The following MRE11 variants were observed in gnomAD, a reference collection of about 807,000 sequenced individuals.
MRE11 encodes the protein MRE11 double strand break repair nuclease, also known as double-strand break repair protein MRE11.
MRE11 carries 62 observed loss-of-function variants against 91.7 expected under a neutral mutation model. That is an observed-to-expected ratio of 0.68 (90% CI 0.55 to 0.84). The LOEUF (loss-of-function observed/expected upper bound fraction) is 0.84. Ranked by LOEUF, MRE11 falls within the 40% of genes least tolerant of loss-of-function variation. The pLI is 0.00. For synonymous variants in MRE11, 273 were observed against 271.4 expected (o/e 1.01, Z -0.06); for missense variants, 796 against 852.9 (o/e 0.93, Z 0.83).
Position 94,464,251 on chromosome 11 carries a change from G to A in MRE11, c.1099-12C>T, listed in dbSNP as rs1339454993. On this transcript the variant is annotated splice_polypyrimidine_tract_variant and intron_variant, in intron 10 of 19. Coordinates refer to ENST00000323929, the MANE Select transcript of MRE11 (RefSeq NM_005591.4). The stretch of plus-strand genomic sequence containing the variant: ...CCACTATAGTCCACCTGAAAACACA[G>A]AATAATCTATGAACGCTAGGAAACA... 1.4e-5 allele frequency: 23 copies of A among 1,613,546 alleles called. No individual in the cohort carries two copies. The highest frequency in any genetic ancestry group is 1.9e-5 in the Non-Finnish European group (23 of 1,179,784).
In MRE11 at chr11:94,419,992, T is replaced by G. The variant is rs1354556161; in HGVS notation, c.*133A>C. The G allele has an allele frequency of 1.0e-5, 7 of 680,056 alleles. No homozygotes were observed. Among genetic ancestry groups the G allele is most frequent in the Non-Finnish European group, 1.7e-5 (7 of 408,106 alleles). 42.1% of individuals were successfully genotyped at this position (680,056 alleles called of 1,614,324 possible). ...AGGTGAATCAATGCTATTGTATGTC[T>G]GTGAACTAGAAATTTCTTACTTATG... is the stretch of plus-strand genomic sequence containing the variant. On this transcript the variant is annotated 3_prime_UTR_variant, in exon 20 of 20. Coordinates refer to ENST00000323929, the MANE Select transcript of MRE11 (RefSeq NM_005591.4).
chr11:94,505,706 G>A, the MRE11 span, among the ~76,000 whole-genome samples: 24 of 147,420 alleles, frequency 1.6e-4, no homozygotes, highest in East Asian at 6.0e-4. Context: ...CTATAGTAGC[G>A]TTTGGTAATG....
intron 18 of MRE11, among the ~76,000 whole-genome samples, chr11:94,430,980 C>T (rs565049883): frequency 1.3e-5 from 2 of 152,216 alleles, no homozygotes; most frequent in South Asian, 2.1e-4. Context: ...ATAATATCCC[C>T]GGTTTTGCCT....
At position 94,417,328 on chromosome 11, in the gene MRE11, T is replaced by C. The variant is rs1945053709; in HGVS notation, c.*2797A>G. The C allele has an allele frequency of 9.1e-6, 2 of 220,170 alleles. No homozygotes were observed. The highest frequency in any genetic ancestry group is 3.7e-4 in the South Asian group (2 of 5,436). The allele number at this position is 220,170 out of a possible 1,614,324, so 13.6% of individuals were successfully genotyped here. A position where few individuals can be genotyped will look rare whatever the true frequency, so the allele number is the denominator to read the frequency against. On this transcript the variant is annotated 3_prime_UTR_variant, in exon 20 of 20. Transcript: ENST00000323929. Reference sequence around the variant, plus strand: ...TTTTCTAAGAATGGATTTTCCTCTTTATGAAAACAAAATATTCCTTTTCTT... The same window carrying C: ...TTTTCTAAGAATGGATTTTCCTCTTCATGAAAACAAAATATTCCTTTTCTT...
chr11:94,464,281 T>C (rs1359205440), intron 10 of MRE11, 42 bp from the exon 11 acceptor site: 1 of 1,612,792 alleles, frequency 6.2e-7, no homozygotes, highest in Non-Finnish European at 8.5e-7. Flanking sequence ...GAAACAACAA[T>C]TTGCCAATTT....
chr11:94,478,987 G>T, intron 5 of MRE11, 111 bp from the exon 6 acceptor site: 1 of 1,218,372 alleles, frequency 8.2e-7, no homozygotes, highest in Non-Finnish European at 1.2e-6. Flanking sequence ...CAAAAACATA[G>T]ATGAGGATAG....
At chr11:94,424,355 T>C (rs1945252968) in intron 19 of MRE11, among the ~76,000 whole-genome samples, 1 of 152,182 alleles carries the variant, frequency 6.6e-6, no homozygotes, top group Admixed American at 6.5e-5. Context: ...ACAAGGCCAG[T>C]TGACTATACT....
Position 94,427,698 on chromosome 11 carries a change from T to TA in MRE11, c.2070+2212dup, listed in dbSNP as rs144875210. Among the ~76,000 whole-genome samples, 909 of 144,996 alleles carry TA rather than the reference T, an allele frequency of 6.3e-3. 14 individuals carry two copies. Among genetic ancestry groups the TA allele is most frequent in the African/African-American group, 0.021 (820 of 39,230 alleles). ...AAACGACTTCAGCAAAGTTTCAGAATAAAAAAAAAAAGTGTACAAAAGTCA... is the reference window on the plus strand; with the variant it reads ...AAACGACTTCAGCAAAGTTTCAGAATAAAAAAAAAAAAGTGTACAAAAGTCA... On this transcript the variant is annotated intron_variant, in intron 19 of 19. Transcript: ENST00000323929.
chr11:94,486,539 C>A (rs1399499959), intron 3 of MRE11, among the ~76,000 whole-genome samples: 4 of 152,168 alleles, frequency 2.6e-5, no homozygotes, highest in Non-Finnish European at 5.9e-5. Flanking sequence ...TGACTCTATG[C>A]AAGACCCTCT....
intron 16 of MRE11, among the ~76,000 whole-genome samples, chr11:94,441,505 C>T (rs1473049354): frequency 6.6e-6 from 1 of 152,006 alleles, no homozygotes; most frequent in African/African-American, 2.4e-5. Context: ...AATAAGTCAC[C>T]ATAAATAAGA....
intron 19 of MRE11, among the ~76,000 whole-genome samples, chr11:94,425,016 T>C (rs1945273699): frequency 6.6e-6 from 1 of 152,056 alleles, no homozygotes; most frequent in African/African-American, 2.4e-5. Context: ...TCAGACATTA[T>C]ATAAGATGAC....
intron 19 of MRE11, among the ~76,000 whole-genome samples, chr11:94,422,619 C>T (rs556875199): frequency 6.6e-6 from 1 of 152,154 alleles, no homozygotes; most frequent in South Asian, 2.1e-4. Context: ...ATCTACAGGA[C>T]TTTTATATCT....
chr11:94,436,850 A>G (rs1204037251), intron 17 of MRE11, among the ~76,000 whole-genome samples: 1 of 152,256 alleles, frequency 6.6e-6, no homozygotes, highest in Non-Finnish European at 1.5e-5. Context: ...AATCCAGCAT[A>G]GAAAAAACCT....
intron 14 of MRE11, among the ~76,000 whole-genome samples, chr11:94,455,881 T>A (rs1946236232): frequency 6.6e-6 from 1 of 152,094 alleles, no homozygotes; most frequent in African/African-American, 2.4e-5. Flanking sequence ...TACAATTAAA[T>A]GGGTTTTATT....
At chr11:94,435,089 G>A (rs1486375337) in intron 18 of MRE11, among the ~76,000 whole-genome samples, 1 of 152,202 alleles carries the variant, frequency 6.6e-6, no homozygotes, top group Non-Finnish European at 1.5e-5. Context: ...GGAAGAGCAT[G>A]CAAGTCCTCT....
intron 16 of MRE11, among the ~76,000 whole-genome samples, chr11:94,441,608 G>A (rs375963231): frequency 1.3e-5 from 2 of 152,194 alleles, no homozygotes; most frequent in East Asian, 1.9e-4. Flanking sequence ...GTGTACACAC[G>A]AAAAATTAAA....
At chr11:94,427,171 A>G (rs564466328) in intron 19 of MRE11, among the ~76,000 whole-genome samples, 25 of 152,242 alleles carry the variant, frequency 1.6e-4, no homozygotes, top group Non-Finnish European at 3.4e-4. Flanking sequence ...CAAATCTAGC[A>G]GCACATCAAA....
chr11:94,449,269 A>G (rs2134922887), intron 14 of MRE11, among the ~76,000 whole-genome samples: 1 of 152,324 alleles, frequency 6.6e-6, no homozygotes, highest in Admixed American at 6.5e-5. Context: ...TGCAGGGTTC[A>G]ATACAGCATT....
intron 19 of MRE11, among the ~76,000 whole-genome samples, chr11:94,425,686 G>A (rs2134764096): frequency 6.6e-6 from 1 of 152,240 alleles, no homozygotes; most frequent in Admixed American, 6.5e-5. Flanking sequence ...AAAAGGGCAG[G>A]AGTCACAATT....
Sources: gnomAD v4.1 joint callset for allele counts (sites outside exome capture counted in the v4.1 genomes callset) on GRCh38, gnomAD v4.1.1 for gene constraint, MANE v1.5 for transcripts, NCBI Gene and HGNC (gene_info 2026-07-23, HGNC 2026-07-21) for gene names.